PLEKHG1: variants seen among roughly 807,000 people sequenced by gnomAD.
PLEKHG1 encodes pleckstrin homology and RhoGEF domain containing G1.
In PLEKHG1, 44 loss-of-function variants were observed where a neutral mutation model predicts 100.8. The observed-to-expected ratio is 0.44, with a 90% CI of 0.34 to 0.56. PLEKHG1 has a LOEUF of 0.56. Ranked by LOEUF, PLEKHG1 falls within the 20% of genes least tolerant of loss-of-function variation. The pLI is 0.01. For synonymous variants in PLEKHG1, 640 were observed against 662.5 expected, an observed-to-expected ratio of 0.97 and a Z score of 0.52; for missense variants, 1,545 against 1,720.9, an observed-to-expected ratio of 0.90 and a Z score of 1.81.
At chr6:150,702,416 G>A (rs950045192) in intron 3 of PLEKHG1, among the ~76,000 whole-genome samples, 5 of 152,054 alleles carry the variant, frequency 3.3e-5, no homozygotes, top group Admixed American at 3.3e-4. Context: ...GTTGCAGAGA[G>A]CCAAGATCAT....
At position 150,673,838 on chromosome 6, in the gene PLEKHG1, A is replaced by AT. The variant is rs372511313; in HGVS notation, c.-99+23058dup. 1.3e-3 allele frequency among the ~76,000 whole-genome samples: 201 copies of AT among 152,038 alleles called. 1 individual carries two copies. The highest frequency in any genetic ancestry group is 4.5e-3 in the African/African-American group (188 of 41,482). On this transcript the variant is annotated intron_variant, in intron 3 of 3. Transcript: ENST00000367326. ...ACCATGCCTGGCTAAATTTTTTTGT[A>AT]TTTTTTGTAGAGATGAGCTTTTGCT...
intron 1 of PLEKHG1, among the ~76,000 whole-genome samples, chr6:150,614,382 A>C (rs183155002): frequency 6.6e-6 from 1 of 152,310 alleles, no homozygotes; most frequent in Admixed American, 6.5e-5. Flanking sequence ...TTTTCTAGCT[A>C]GTTCTTCATG....
intron 3 of PLEKHG1, among the ~76,000 whole-genome samples, chr6:150,709,069 C>T (rs867888563): frequency 4.6e-5 from 7 of 152,220 alleles, no homozygotes; most frequent in African/African-American, 1.7e-4. Flanking sequence ...CGCGGTGGCT[C>T]ATGCCTGTAA....
chr6:150,733,745 C>G (rs139326023), exon 2 of PLEKHG1: 11 of 1,614,148 alleles, frequency 6.8e-6, no homozygotes, highest in East Asian at 6.7e-5. Flanking sequence ...GGCCTCTTCC[C>G]GCGACAGCCA....
Position 150,831,946 on chromosome 6 carries a change from T to A in PLEKHG1, c.2835T>A (p.Asn945Lys). Residue 945 changes from asparagine (N) to lysine (K), a missense_variant, in exon 15 of 16, where the codon AAT (asparagine) becomes AAA (lysine). By Grantham distance (94) the Asn-to-Lys change is moderately conservative (BLOSUM62 0). Transcript: ENST00000358517. The surrounding 1 kb of genome is among the most constrained non-coding windows in gnomAD (Gnocchi z 4.1). Reference sequence around the variant, plus strand: ...CTAGTGAAATGCCCCTCATGGACAATCCCTACGACCTGGCCAACAGTGGCC... The same window carrying A: ...CTAGTGAAATGCCCCTCATGGACAAACCCTACGACCTGGCCAACAGTGGCC... The A allele has an allele frequency of 6.2e-7, 1 of 1,613,680 alleles. No individual in the cohort carries two copies. Among genetic ancestry groups the A allele is most frequent in the Non-Finnish European group, 8.5e-7 (1 of 1,179,702 alleles).
intron 1 of PLEKHG1, among the ~76,000 whole-genome samples, chr6:150,631,267 C>A (rs1777735680): frequency 6.6e-6 from 1 of 152,234 alleles, no homozygotes; most frequent in Admixed American, 6.5e-5. Flanking sequence ...CTCTCTCTCT[C>A]AATCTGTGTC....
At chr6:150,807,192 A>G (rs1053698693) in intron 7 of PLEKHG1, among the ~76,000 whole-genome samples, 4 of 152,340 alleles carry the variant, frequency 2.6e-5, no homozygotes, top group East Asian at 3.9e-4. Context: ...TAATTTATAA[A>G]TTAAACTTTA....
rs149017708 is a variant in PLEKHG1 at position 150,617,660 on chromosome 6, C to G, written c.-204+17643C>G. 4.3e-3 allele frequency among the ~76,000 whole-genome samples: 651 copies of G among 152,308 alleles called. 9 individuals are homozygous for G. The highest frequency in any genetic ancestry group is 0.015 in the African/African-American group (604 of 41,570). On this transcript the variant is annotated intron_variant, in intron 1 of 3. Transcript: ENST00000367326. ...TCCGGCTGCCGAAGAAAGTTGAGAA[C>G]AGTGATCCTGATGGTGAGCGGTGAA...
intron 1 of PLEKHG1, among the ~76,000 whole-genome samples, chr6:150,635,620 C>T (rs1777963901): frequency 6.6e-6 from 1 of 152,202 alleles, no homozygotes; most frequent in Non-Finnish European, 1.5e-5. Context: ...TTATCACATG[C>T]ATTTCCAGTG....
chr6:150,727,966 TTTC>T (rs1416909286), intron 1 of PLEKHG1, among the ~76,000 whole-genome samples: 1 of 152,226 alleles, frequency 6.6e-6, no homozygotes. Context: ...GTGAAAAAGC[TTTC>T]TTGCCCTACA....
intron 1 of PLEKHG1, among the ~76,000 whole-genome samples, chr6:150,623,645 G>A (rs373633267): frequency 2.0e-5 from 3 of 152,336 alleles, no homozygotes; most frequent in South Asian, 4.1e-4. Context: ...GGCCCCCCAC[G>A]TGTGCACTGT....
intron 10 of PLEKHG1, among the ~76,000 whole-genome samples, chr6:150,815,607 G>A (rs1390210051): frequency 6.6e-6 from 1 of 152,186 alleles, no homozygotes; most frequent in Non-Finnish European, 1.5e-5. Context: ...AACTCTGAAT[G>A]TATGAGAGAG....
intron 5 of PLEKHG1, among the ~76,000 whole-genome samples, chr6:150,797,575 C>G (rs1583150569): frequency 6.6e-6 from 1 of 151,392 alleles, no homozygotes; most frequent in East Asian, 1.9e-4. Flanking sequence ...AGACTTATGC[C>G]TGTAATCCTA....
At chr6:150,795,178 C>T (rs1786244933) in intron 4 of PLEKHG1, among the ~76,000 whole-genome samples, 1 of 151,914 alleles carries the variant, frequency 6.6e-6, no homozygotes, top group African/African-American at 2.4e-5. Flanking sequence ...AACTTGAGAC[C>T]AGGAATTGGA....
chr6:150,667,559 G>C lies in PLEKHG1; in HGVS notation c.-99+16773G>C, dbSNP rs571573820. ...GTACAGAATCCAAGGACAGCCTCCT[G>C]TGGTTTATTACTTTTATTTATAGCA... is the stretch of plus-strand genomic sequence containing the variant. On this transcript the variant is annotated intron_variant, in intron 3 of 3. Coordinates refer to the PLEKHG1 transcript ENST00000367326. Among the ~76,000 whole-genome samples, 13 of 152,320 alleles carry C rather than the reference G, an allele frequency of 8.5e-5. No individual in the cohort carries two copies. In the East Asian group the frequency reaches 2.1e-3, roughly 25 times the overall value.
chr6:150,696,007 A>G (rs1562442426), intron 3 of PLEKHG1, among the ~76,000 whole-genome samples: 1 of 152,236 alleles, frequency 6.6e-6, no homozygotes, highest in Admixed American at 6.5e-5. Context: ...TTTCTTGGCC[A>G]CTTTCACAAC....
At chr6:150,819,449 C>T (rs1461212884) in intron 11 of PLEKHG1, among the ~76,000 whole-genome samples, 2 of 151,986 alleles carry the variant, frequency 1.3e-5, no homozygotes, top group African/African-American at 4.8e-5. Context: ...CCTGTAGTCT[C>T]AGCTTCTCGG....
rs1425518004 is a variant in PLEKHG1, at chr6:150,612,237, T to C, written c.-204+12220T>C. On this transcript the variant is annotated intron_variant, in intron 1 of 3. Coordinates refer to the PLEKHG1 transcript ENST00000367326. The stretch of plus-strand genomic sequence containing the variant: ...GACTCTTATCTCTTGCCTAGACTTT[T>C]GGAAGAACTGCGAAGCCAGTGTTGA... Among the ~76,000 whole-genome samples, 4 of 152,264 alleles carry C rather than the reference T, an allele frequency of 2.6e-5. No homozygotes were observed. In the East Asian group the frequency reaches 7.7e-4, roughly 29 times the overall value.
chr6:150,707,790 G>A (rs189815404), intron 3 of PLEKHG1, among the ~76,000 whole-genome samples: 4 of 152,250 alleles, frequency 2.6e-5, no homozygotes, highest in East Asian at 3.9e-4. Flanking sequence ...CCTCAGCTCC[G>A]TCAAGCCTCA....
Sources: allele counts gnomAD v4.1 joint callset (sites outside exome capture counted in the v4.1 genomes callset), GRCh38; gene constraint gnomAD v4.1.1; non-coding constraint Gnocchi (gnomAD v3.1); transcripts MANE v1.5; gene names NCBI Gene and HGNC (gene_info 2026-07-23, HGNC 2026-07-21).